SH3TC2: variants seen among roughly 807,000 people sequenced by gnomAD.
SH3TC2 encodes the protein SH3 domain and tetratricopeptide repeat-containing protein 2.
SH3TC2 carries 87 observed loss-of-function variants against 124.5 expected under a neutral mutation model. The observed-to-expected ratio is 0.70, with a 90% confidence interval of 0.59 to 0.84. The LOEUF (loss-of-function observed/expected upper bound fraction) is 0.84. Ranked by LOEUF, SH3TC2 falls within the 40% of genes least tolerant of loss-of-function variation. SH3TC2 has a pLI of 0.00. For synonymous variants in SH3TC2, 634 were observed against 628.5 expected, an observed-to-expected ratio of 1.01 and a Z score of -0.13; for missense variants, 1,536 against 1,566.4, an observed-to-expected ratio of 0.98 and a Z score of 0.33.
At position 148,997,907 on chromosome 5, in the gene SH3TC2, A is replaced by G. The variant is rs1412371105; in HGVS notation, c.*6804T>C. On this transcript the variant is annotated 3_prime_UTR_variant, in exon 17 of 17. Transcript: ENST00000515425. ...TTAATGCATAAAACACATTAACCTC[A>G]ACTGTTATTTTTATTTTGAGATGTA... 6.6e-6 allele frequency among the ~76,000 whole-genome samples: 1 copy of G among 152,232 alleles called. No individual in the cohort carries two copies. The highest frequency in any genetic ancestry group is 1.5e-5 in the Non-Finnish European group (1 of 68,038).
At chr5:149,017,212 T>C (rs1580894188) in intron 12 of SH3TC2, among the ~76,000 whole-genome samples, 1 of 152,204 alleles carries the variant, frequency 6.6e-6, no homozygotes, top group Non-Finnish European at 1.5e-5. Context: ...TGGGCCATAG[T>C]AAATGCTCGG....
rs1753303477 is a variant in SH3TC2, at chr5:148,984,584, C to T, written c.*20127G>A. On this transcript the variant is annotated 3_prime_UTR_variant, in exon 17 of 17. Coordinates refer to ENST00000515425, the MANE Select transcript of SH3TC2 (RefSeq NM_024577.4). ...TCGAAACCCCTGACTCAGTCTTCTGCCTCACTCTGGACTAGGCAATGCTTC... is the reference window on the plus strand; with the variant it reads ...TCGAAACCCCTGACTCAGTCTTCTGTCTCACTCTGGACTAGGCAATGCTTC... Among the ~76,000 whole-genome samples the T allele has an allele frequency of 6.6e-6, 1 of 152,076 alleles. No individual in the cohort carries two copies. Among genetic ancestry groups the T allele is most frequent in the South Asian group, 2.1e-4 (1 of 4,828 alleles).
At chr5:149,062,028 C>T (rs1754759952) in intron 1 of SH3TC2, among the ~76,000 whole-genome samples, 1 of 152,058 alleles carries the variant, frequency 6.6e-6, no homozygotes, top group Non-Finnish European at 1.5e-5. Context: ...AAGCCCAAGT[C>T]ATAAGACTAA....
At position 148,998,972 on chromosome 5, in the gene SH3TC2, G is replaced by T. The variant is rs1753554026; in HGVS notation, c.*5739C>A. On this transcript the variant is annotated 3_prime_UTR_variant, in exon 17 of 17. Transcript: ENST00000515425. ...AACATACACACCCTCCCGCTTAACG[G>T]TGTGGGACCCAGGAATAGATGTGCT... Among the ~76,000 whole-genome samples, 1 of 152,192 alleles carries T rather than the reference G, an allele frequency of 6.6e-6. No homozygotes were observed. The highest frequency in any genetic ancestry group is 1.5e-5 in the Non-Finnish European group (1 of 68,038).
chr5:149,057,885 G>A (rs1051661074), intron 1 of SH3TC2, among the ~76,000 whole-genome samples: 1 of 152,138 alleles, frequency 6.6e-6, no homozygotes, highest in Non-Finnish European at 1.5e-5. Flanking sequence ...ATCCAACTGG[G>A]TTATGCAGTG....
Position 149,010,377 on chromosome 5 carries a change from C to T in SH3TC2, c.3220G>A (p.Ala1074Thr). The T allele has an allele frequency of 1.2e-6, 2 of 1,613,996 alleles. No homozygotes were observed. Among genetic ancestry groups the T allele is most frequent in the Non-Finnish European group, 1.7e-6 (2 of 1,180,030 alleles). The change falls in exon 14 of 17, where the codon GCC (alanine) becomes ACC (threonine). Residue 1074 changes from alanine (A) to threonine (T), a missense_variant. Physicochemically the swap from Ala to Thr is moderately conservative, Grantham distance 58 (BLOSUM62 0). Around this residue, in one of 3 missense-constraint regions of SH3TC2, gnomAD observed 426 missense variants for 443.5 expected, o/e 0.96. Coordinates refer to ENST00000515425, the MANE Select transcript of SH3TC2 (RefSeq NM_024577.4). ...AGCAAAGGCTCCTCTGACTTCAGGGCTGTCTGGATGGCTGCCTAGGTGGGA... is the reference window on the plus strand; with the variant it reads ...AGCAAAGGCTCCTCTGACTTCAGGGTTGTCTGGATGGCTGCCTAGGTGGGA... ...ELCLQAAIQT[A>T]LKSEEPLLAL... is the part of the protein sequence containing the mutation.
intron 12 of SH3TC2, among the ~76,000 whole-genome samples, chr5:149,013,462 T>C (rs1753818904): frequency 6.6e-6 from 1 of 152,232 alleles, no homozygotes; most frequent in Non-Finnish European, 1.5e-5. Context: ...ATGTCTTTAT[T>C]AGCAGCATGA....
chr5:149,045,574 C>T (rs941773347), intron 3 of SH3TC2: 1 of 152,140 alleles, frequency 6.6e-6, no homozygotes, highest in Non-Finnish European at 1.5e-5. Context: ...CCCAGGAAGG[C>T]TTTCCAATTT....
chr5:149,031,246 C>T (rs1015635680), intron 9 of SH3TC2, among the ~76,000 whole-genome samples: 4 of 152,176 alleles, frequency 2.6e-5, no homozygotes, highest in African/African-American at 9.7e-5. Flanking sequence ...GAAGGTACCT[C>T]AGCCAGGACT....
At chr5:149,005,211 T>G (rs1281060815) in intron 16 of SH3TC2, among the ~76,000 whole-genome samples, 2 of 152,132 alleles carry the variant, frequency 1.3e-5, no homozygotes, top group Non-Finnish European at 2.9e-5. Context: ...TGACCCAAAC[T>G]TGGCCTACAT....
intron 1 of SH3TC2, among the ~76,000 whole-genome samples, chr5:149,058,661 C>T (rs1372322082): frequency 6.6e-6 from 1 of 151,506 alleles, no homozygotes; most frequent in African/African-American, 2.4e-5. Context: ...GGGAGGAAAG[C>T]AGGATGGGGT....
intron 12 of SH3TC2, among the ~76,000 whole-genome samples, chr5:149,019,632 A>G (rs1278436439): frequency 2.0e-5 from 3 of 152,222 alleles, no homozygotes; most frequent in Admixed American, 6.5e-5. Context: ...CATAAAAGCA[A>G]TGAAAACAGG....
rs1753641718 is a variant in SH3TC2 at position 149,004,103 on chromosome 5, G to A, written c.*608C>T. 1 of 189,812 alleles carries A rather than the reference G, an allele frequency of 5.3e-6. No individual in the cohort carries two copies. The highest frequency in any genetic ancestry group is 2.4e-5 in the African/African-American group (1 of 41,886). 11.8% of individuals were successfully genotyped at this position (189,812 alleles called of 1,614,324 possible). A position where few individuals can be genotyped will look rare whatever the true frequency, so the allele number is the denominator to read the frequency against. On this transcript the variant is annotated 3_prime_UTR_variant, in exon 17 of 17. Coordinates refer to ENST00000515425, the MANE Select transcript of SH3TC2 (RefSeq NM_024577.4). ...GTGGGAGCACAGCCTTATGGCAGGA[G>A]GAAGATGGTGAATCCAAGTCAGGTT...
At chr5:149,030,541 A>T (rs1180593044) in intron 9 of SH3TC2, among the ~76,000 whole-genome samples, 1 of 152,262 alleles carries the variant, frequency 6.6e-6, no homozygotes. Flanking sequence ...CCTACTGGGC[A>T]GTGTTTACAA....
rs869151294 is a variant in SH3TC2, at chr5:149,021,884, C to CTTTTT, written c.3053+4683_3053+4687dup. 4.0e-4 allele frequency among the ~76,000 whole-genome samples: 13 copies of CTTTTT among 32,860 alleles called. 3 individuals are homozygous for CTTTTT. The highest frequency in any genetic ancestry group is 5.5e-4 in the Non-Finnish European group (10 of 18,214). 21.6% of individuals were successfully genotyped at this position (32,860 alleles called of 152,430 possible). ...AACACCAATCCTTCACAAACTCTTTCTTTTTTTTTTTTTTTTTTTTTTTTT... is the reference window on the plus strand; with the variant it reads ...AACACCAATCCTTCACAAACTCTTTCTTTTTTTTTTTTTTTTTTTTTTTTTTTTTT... On this transcript the variant is annotated intron_variant, in intron 12 of 16. Transcript: ENST00000515425.
At chr5:149,012,462 T>C in intron 13 of SH3TC2, 122 bp downstream of exon 13, 1 of 1,315,304 alleles carries the variant, frequency 7.6e-7, no homozygotes, top group Non-Finnish European at 1.1e-6. Flanking sequence ...GTTGACCCTT[T>C]CTCCACAGGC....
At chr5:149,062,871 C>T in intron 1 of SH3TC2, 100 bp downstream of exon 1, 1 of 1,160,670 alleles carries the variant, frequency 8.6e-7, no homozygotes, top group Non-Finnish European at 1.3e-6. Flanking sequence ...ATCTCCCCAT[C>T]TTTGGGAGAA....
At chr5:149,062,487 T>TGCACTCACACAC (rs1218636655) in intron 1 of SH3TC2, 1 of 467,606 alleles carries the variant, frequency 2.1e-6, no homozygotes, top group African/African-American at 2.0e-5. Flanking sequence ...CACTCACACA[T>TGCACTCACACAC]GCACTCACAC....
At chr5:149,059,203 A>C (rs934402329) in intron 1 of SH3TC2, among the ~76,000 whole-genome samples, 3 of 152,266 alleles carry the variant, frequency 2.0e-5, no homozygotes, top group Admixed American at 1.3e-4. Flanking sequence ...GAGAGGAGTC[A>C]TGATTTTACT....
Sources: gnomAD v4.1 joint callset for allele counts (sites outside exome capture counted in the v4.1 genomes callset) on GRCh38, gnomAD v4.1.1 for gene constraint, gnomAD v4.1.1 regional missense constraint, MANE v1.5 for transcripts, NCBI Gene and HGNC (gene_info 2026-07-23, HGNC 2026-07-21) for gene names.